The following HEATR6 variants were observed in gnomAD, a reference collection of about 807,000 sequenced individuals.
The protein encoded by HEATR6 is HEAT repeat containing 6, also known as HEAT repeat-containing protein 6.
In HEATR6, 106 loss-of-function variants were observed where a neutral mutation model predicts 132.8. That is an observed-to-expected ratio of 0.80 (90% CI 0.68 to 0.94). The LOEUF (loss-of-function observed/expected upper bound fraction) is 0.94, where lower values mean the gene tolerates loss of function less well. Among genes scored for constraint, HEATR6 ranks in the 40% least tolerant of loss-of-function variants. The pLI, the probability that HEATR6 is intolerant of heterozygous loss-of-function variation, is 0.00. For synonymous variants in HEATR6, 529 were observed against 537.8 expected (o/e 0.98, Z 0.23); for missense variants, 1,339 against 1,425.1 (o/e 0.94, Z 0.97).
intron 9 of HEATR6, among the ~76,000 whole-genome samples, chr17:60,060,709 A>C (rs1304381864): frequency 2.0e-5 from 3 of 152,222 alleles, no homozygotes; most frequent in Non-Finnish European, 4.4e-5. Context: ...TTCAATGTTA[A>C]CTTAAATAGG....
At chr17:60,069,665 T>C in intron 7 of HEATR6, 46 bp downstream of exon 7, 1 of 1,563,102 alleles carries the variant, frequency 6.4e-7, no homozygotes, top group Non-Finnish European at 8.8e-7. Context: ...CACAACAATC[T>C]ATTAAAAATA....
intron 19 of HEATR6, among the ~76,000 whole-genome samples, chr17:60,044,666 C>T (rs1187193712): frequency 6.6e-6 from 1 of 152,222 alleles, no homozygotes; most frequent in African/African-American, 2.4e-5. Context: ...CTTTTCTCCA[C>T]ACCTGTAGGC....
At chr17:60,053,115 C>A (rs1906638961) in intron 14 of HEATR6, among the ~76,000 whole-genome samples, 1 of 152,156 alleles carries the variant, frequency 6.6e-6, no homozygotes, top group Admixed American at 6.5e-5. Context: ...AGGCAGATCC[C>A]TACTGAATGG....
At position 60,042,070 on chromosome 17, in the gene HEATR6, C is replaced by T. The variant is rs148444227; in HGVS notation, c.*1493G>A. Reference sequence around the variant, plus strand: ...CATTATCAAAATATAATTGGAAACCCCTCTTTGTAACCAACTAACCAAATG... The same window carrying T: ...CATTATCAAAATATAATTGGAAACCTCTCTTTGTAACCAACTAACCAAATG... On this transcript the variant is annotated 3_prime_UTR_variant, in exon 20 of 20. Transcript: ENST00000184956. Among the ~76,000 whole-genome samples the T allele has an allele frequency of 5.1e-3, 783 of 152,256 alleles. 3 individuals are homozygous for T. The highest frequency in any genetic ancestry group is 0.014 in the Middle Eastern group (4 of 294).
At chr17:60,073,386 C>A in intron 3 of HEATR6, 107 bp from the exon 4 acceptor site, 1 of 668,930 alleles carries the variant, frequency 1.5e-6, no homozygotes, top group Non-Finnish European at 2.6e-6. Context: ...AGTTAAGCAC[C>A]AAAAGACTAG....
At position 60,048,983 on chromosome 17, in the gene HEATR6, A is replaced by AATATATATATATAT. The variant is rs35114523; in HGVS notation, c.2547+583_2547+596dup. Among the ~76,000 whole-genome samples the AATATATATATATAT allele has an allele frequency of 4.2e-3, 294 of 69,470 alleles. 2 individuals are homozygous for AATATATATATATAT. Among genetic ancestry groups the AATATATATATATAT allele is most frequent in the Non-Finnish European group, 5.3e-3 (223 of 41,786 alleles). 45.6% of individuals were successfully genotyped at this position (69,470 alleles called of 152,430 possible). A position where few individuals can be genotyped will look rare whatever the true frequency, so the allele number is the denominator to read the frequency against. ...TTAAAAATAAATAACATATATATAT[A>AATATATATATATAT]ATATATATATATATATATATATATA... is the stretch of plus-strand genomic sequence containing the variant. On this transcript the variant is annotated intron_variant, in intron 16 of 19. Coordinates refer to ENST00000184956, the MANE Select transcript of HEATR6 (RefSeq NM_022070.5).
chr17:60,071,974 T>G (rs2083271730), intron 5 of HEATR6, among the ~76,000 whole-genome samples: 1 of 152,320 alleles, frequency 6.6e-6, no homozygotes, highest in Non-Finnish European at 1.5e-5. Context: ...GCTTTTATAC[T>G]CAGAAGGAAA....
intron 15 of HEATR6, among the ~76,000 whole-genome samples, chr17:60,050,581 A>G (rs1906543828): frequency 6.6e-6 from 1 of 152,132 alleles, no homozygotes; most frequent in African/African-American, 2.4e-5. Context: ...ATCTTCCTGA[A>G]ATCTCTCTGC....
At chr17:60,053,801 T>C (rs1389867629) in intron 14 of HEATR6, among the ~76,000 whole-genome samples, 2 of 152,216 alleles carry the variant, frequency 1.3e-5, no homozygotes, top group African/African-American at 4.8e-5. Context: ...CAACAGGTGA[T>C]GTGGCAGCTT....
chr17:60,042,827 C>G lies in HEATR6; in HGVS notation c.*736G>C, dbSNP rs1389460305. On this transcript the variant is annotated 3_prime_UTR_variant, in exon 20 of 20. Transcript: ENST00000184956. ...GTCCTGTGTGGCTGTGAGGCACCGT[C>G]AGCATCCTCGGTCCTGTGCGGCTGT... Among the ~76,000 whole-genome samples the G allele has an allele frequency of 3.6e-5, 2 of 56,110 alleles. No homozygotes were observed. The highest frequency in any genetic ancestry group is 6.3e-5 in the Non-Finnish European group (2 of 31,798). The allele number at this position is 56,110 out of a possible 152,430, so 36.8% of individuals were successfully genotyped here.
chr17:60,071,310 C>A (rs1597956573), intron 5 of HEATR6, among the ~76,000 whole-genome samples: 1 of 152,190 alleles, frequency 6.6e-6, no homozygotes, highest in Admixed American at 6.5e-5. Flanking sequence ...TTAAGAAACA[C>A]TTCCGACATT....
intron 11 of HEATR6, among the ~76,000 whole-genome samples, chr17:60,058,485 G>A (rs950548476): frequency 3.3e-5 from 5 of 152,200 alleles, no homozygotes; most frequent in African/African-American, 1.2e-4. Context: ...GGAATGAGCA[G>A]GGGTTGTTCT....
intron 19 of HEATR6, among the ~76,000 whole-genome samples, chr17:60,044,452 G>T (rs1906295941): frequency 6.6e-6 from 1 of 152,154 alleles, no homozygotes; most frequent in Non-Finnish European, 1.5e-5. Flanking sequence ...TCCCGTTGGG[G>T]TATGGCTTTG....
rs1385227048 is a variant in HEATR6, at chr17:60,069,747, T to C, written c.903A>G (p.Pro301=). The stretch of plus-strand genomic sequence containing the variant: ...GAGAAGCACTGGATTCTGATTGCTG[T>C]GGTTTGATAGGTGTTCGCCCATCAT... The part of the protein sequence containing the change: ...PQYDGRTPIK[P]QQSESSASRP... Residue 301 remains proline, a synonymous_variant, in exon 7 of 20, where the codon CCA becomes CCG. Coordinates refer to ENST00000184956, the MANE Select transcript of HEATR6 (RefSeq NM_022070.5). 2 of 1,613,982 alleles carry C rather than the reference T, an allele frequency of 1.2e-6. No homozygotes were observed. The highest frequency in any genetic ancestry group is 2.7e-5 in the African/African-American group (2 of 74,916).
At chr17:60,049,304 A>G (rs897677416) in intron 16 of HEATR6, among the ~76,000 whole-genome samples, 3 of 151,422 alleles carry the variant, frequency 2.0e-5, no homozygotes, top group African/African-American at 7.3e-5. Context: ...AATTTTTAAA[A>G]TTTTTTGTAG....
chr17:60,076,242 C>T lies in HEATR6; in HGVS notation c.220-5G>A. The T allele has an allele frequency of 8.3e-7, 1 of 1,199,398 alleles. No individual in the cohort carries two copies. Among genetic ancestry groups the T allele is most frequent in the Non-Finnish European group, 1.1e-6 (1 of 883,592 alleles). The allele number at this position is 1,199,398 out of a possible 1,614,324, so 74.3% of individuals were successfully genotyped here. On this transcript the variant is annotated splice_polypyrimidine_tract_variant and splice_region_variant and intron_variant, in intron 1 of 19. Coordinates refer to ENST00000184956, the MANE Select transcript of HEATR6 (RefSeq NM_022070.5). ...GACAAGAAGAGCACTAACGTCCTAC[C>T]AAAAAAAAAAAGATAAGAGGTAAAA...
At chr17:60,047,699 T>C (rs1906418376) in intron 17 of HEATR6, among the ~76,000 whole-genome samples, 1 of 151,412 alleles carries the variant, frequency 6.6e-6, no homozygotes, top group Non-Finnish European at 1.5e-5. Context: ...AATAGAAAAA[T>C]GGTTAATCAT....
chr17:60,046,356 G>A, intron 18 of HEATR6, 127 bp from the exon 19 acceptor site: 1 of 639,826 alleles, frequency 1.6e-6, no homozygotes, highest in Non-Finnish European at 2.7e-6. Context: ...AACTCACAAG[G>A]TCTGCTCTGG....
intron 9 of HEATR6, 57 bp downstream of exon 9, chr17:60,066,152 T>C (rs1484856730): frequency 2.2e-6 from 3 of 1,392,364 alleles, no homozygotes; most frequent in African/African-American, 1.4e-5. Context: ...GAGATAACAA[T>C]AAGGATCTGT....
Sources: allele counts gnomAD v4.1 joint callset (sites outside exome capture counted in the v4.1 genomes callset), GRCh38; gene constraint gnomAD v4.1.1; transcripts MANE v1.5; gene names NCBI Gene and HGNC (gene_info 2026-07-23, HGNC 2026-07-21).